Variants in ZRANB3 observed in about 807,000 individuals in gnomAD.
ZRANB3 encodes the protein DNA annealing helicase and endonuclease ZRANB3.
In ZRANB3, 125 loss-of-function variants were observed where a neutral mutation model predicts 133.8. The observed-to-expected ratio is 0.93, with a 90% CI of 0.81 to 1.08. The LOEUF is 1.08. Among genes scored for constraint, ZRANB3 ranks in the 50% least tolerant of loss-of-function variants. The probability of loss-of-function intolerance (pLI) is 0.00; values close to 1 mark genes in which losing one functional copy is unlikely to be tolerated. For synonymous variants in ZRANB3, 387 were observed against 432.7 expected (o/e 0.89, Z 1.31); for missense variants, 1,229 against 1,275.5 (o/e 0.96, Z 0.56).
chr2:135,338,300 T>C (rs1684460725), intron 6 of ZRANB3, among the ~76,000 whole-genome samples: 1 of 152,214 alleles, frequency 6.6e-6, no homozygotes, highest in African/African-American at 2.4e-5. Flanking sequence ...TCAAAGAGCT[T>C]CTAGCTAGTA....
chr2:135,367,921 C>G (rs1686008905), intron 3 of ZRANB3, among the ~76,000 whole-genome samples: 1 of 151,966 alleles, frequency 6.6e-6, no homozygotes, highest in Admixed American at 6.6e-5. Flanking sequence ...GTTATAATAA[C>G]CAATAATAAC....
chr2:135,504,571 A>G, intron 1 of ZRANB3, 75 bp from the exon 2 acceptor site: 1 of 1,269,552 alleles, frequency 7.9e-7, no homozygotes, highest in Non-Finnish European at 1.1e-6. Context: ...AGAATCACAT[A>G]TAAATAATAT....
At chr2:135,451,022 C>T (rs145759850) in intron 2 of ZRANB3, among the ~76,000 whole-genome samples, 8 of 152,314 alleles carry the variant, frequency 5.3e-5, no homozygotes, top group Non-Finnish European at 1.2e-4. Flanking sequence ...GGAATTGTTT[C>T]TGCTCATAAT....
At chr2:135,322,274 T>C (rs1456879627) in intron 6 of ZRANB3, among the ~76,000 whole-genome samples, 1 of 152,206 alleles carries the variant, frequency 6.6e-6, no homozygotes, top group African/African-American at 2.4e-5. Context: ...GTGAATCTTA[T>C]TCTTTTCTTC....
chr2:135,374,005 T>C lies in ZRANB3; in HGVS notation c.180+16797A>G, dbSNP rs545754999. Among the ~76,000 whole-genome samples the C allele has an allele frequency of 2.2e-4, 33 of 152,298 alleles. No homozygotes were observed. The South Asian group carries it at 5.8e-3, about 27-fold the overall frequency. ...AATTGAAGCTGAGAGATCAATTAAC[T>C]GGTCCAGTGTGATGTAAACAGTAAT... On this transcript the variant is annotated intron_variant, in intron 3 of 20. Coordinates refer to ENST00000264159, the MANE Select transcript of ZRANB3 (RefSeq NM_032143.4).
chr2:135,203,382 G>A (rs766998439), intron 19 of ZRANB3, among the ~76,000 whole-genome samples: 27 of 152,012 alleles, frequency 1.8e-4, no homozygotes, highest in Non-Finnish European at 3.5e-4. Context: ...CACTTTGGGA[G>A]GCCAGGGCAG....
Position 135,462,858 on chromosome 2 carries a change from G to T in ZRANB3, c.161+41471C>A, listed in dbSNP as rs529527484. ...TCCACCTGCCTCAGCTTCCCAAAGGGCTGGGATTACAGGCATGAGCCACCA... is the reference window on the plus strand; with the variant it reads ...TCCACCTGCCTCAGCTTCCCAAAGGTCTGGGATTACAGGCATGAGCCACCA... On this transcript the variant is annotated intron_variant, in intron 2 of 20. Coordinates refer to ENST00000264159, the MANE Select transcript of ZRANB3 (RefSeq NM_032143.4). 5.4e-3 allele frequency among the ~76,000 whole-genome samples: 826 copies of T among 152,196 alleles called. 4 individuals are homozygous for T. The highest frequency in any genetic ancestry group is 0.031 in the Middle Eastern group (9 of 294).
chr2:135,447,502 T>G (rs530218124), intron 2 of ZRANB3, among the ~76,000 whole-genome samples: 1 of 152,356 alleles, frequency 6.6e-6, no homozygotes, highest in South Asian at 2.1e-4. Flanking sequence ...TGAAGTATCT[T>G]ATGTTCCCTG....
chr2:135,362,040 T>C (rs565516793), intron 3 of ZRANB3, among the ~76,000 whole-genome samples: 3 of 151,940 alleles, frequency 2.0e-5, no homozygotes, highest in African/African-American at 7.2e-5. Context: ...CTACTTAAAA[T>C]ACAAACAATT....
Position 135,455,589 on chromosome 2 carries a change from CT to C in ZRANB3, c.161+48739del, listed in dbSNP as rs929421233. 9.2e-3 allele frequency among the ~76,000 whole-genome samples: 1,168 copies of C among 126,484 alleles called. 1 individual carries two copies. Among genetic ancestry groups the C allele is most frequent in the African/African-American group, 0.028 (963 of 33,916 alleles). 83.0% of individuals were successfully genotyped at this position (126,484 alleles called of 152,430 possible). A position where few individuals can be genotyped will look rare whatever the true frequency, so the allele number is the denominator to read the frequency against. On this transcript the variant is annotated intron_variant, in intron 2 of 20. Coordinates refer to ENST00000264159, the MANE Select transcript of ZRANB3 (RefSeq NM_032143.4). The stretch of plus-strand genomic sequence containing the variant: ...ACTGAGGCCAACTATTGATTTTTTT[CT>C]TTTTTTTTTTTTTTTTTTTGAGACG...
intron 3 of ZRANB3, among the ~76,000 whole-genome samples, chr2:135,358,950 T>G (rs1164118164): frequency 1.3e-5 from 2 of 151,744 alleles, no homozygotes; most frequent in African/African-American, 4.8e-5. Context: ...ATAAGCCCAA[T>G]AAGAGACTAT....
rs1024706219 is a variant in ZRANB3, at chr2:135,402,875, C to T, written c.162-12055G>A. On this transcript the variant is annotated intron_variant, in intron 2 of 20. Coordinates refer to ENST00000264159, the MANE Select transcript of ZRANB3 (RefSeq NM_032143.4). ...TGCGAGGATTACAGGCATGAACCACCGCACCTGGCCAGTCCATTCTTTTTC... is the reference window on the plus strand; with the variant it reads ...TGCGAGGATTACAGGCATGAACCACTGCACCTGGCCAGTCCATTCTTTTTC... Among the ~76,000 whole-genome samples the T allele has an allele frequency of 1.7e-4, 26 of 152,282 alleles. 1 individual carries two copies. The highest frequency in any genetic ancestry group is 2.2e-4 in the African/African-American group (9 of 41,546).
intron 3 of ZRANB3, among the ~76,000 whole-genome samples, chr2:135,382,491 A>C (rs945539110): frequency 1.3e-5 from 2 of 152,166 alleles, no homozygotes; most frequent in African/African-American, 4.8e-5. Context: ...AAATACAGAG[A>C]ATGCCACAAA....
At chr2:135,467,392 C>T (rs1050217800) in intron 2 of ZRANB3, among the ~76,000 whole-genome samples, 5 of 152,166 alleles carry the variant, frequency 3.3e-5, no homozygotes, top group Non-Finnish European at 7.4e-5. Context: ...GGACAATGTG[C>T]ACAAGCAAAG....
intron 2 of ZRANB3, among the ~76,000 whole-genome samples, chr2:135,487,640 T>C (rs1692183519): frequency 6.6e-6 from 1 of 152,210 alleles, no homozygotes; most frequent in Admixed American, 6.5e-5. Flanking sequence ...CGATGGCGTT[T>C]TTCCTTAATC....
chr2:135,356,184 TTAGA>T (rs982357339), intron 3 of ZRANB3, among the ~76,000 whole-genome samples: 3 of 151,766 alleles, frequency 2.0e-5, no homozygotes, highest in Non-Finnish European at 2.9e-5. Context: ...AAAATTTCAG[TTAGA>T]TAGAAGGAAT....
chr2:135,286,666 C>T (rs190466631), intron 8 of ZRANB3, among the ~76,000 whole-genome samples: 66 of 152,234 alleles, frequency 4.3e-4, no homozygotes, highest in Admixed American at 7.2e-4. Context: ...CCTGATAATA[C>T]GTGATGATGA....
At chr2:135,333,178 C>A (rs1017377990) in intron 6 of ZRANB3, among the ~76,000 whole-genome samples, 2 of 152,222 alleles carry the variant, frequency 1.3e-5, no homozygotes, top group South Asian at 2.1e-4. Flanking sequence ...TTTCATGAAA[C>A]CTTTAACCCT....
intron 6 of ZRANB3, among the ~76,000 whole-genome samples, chr2:135,317,843 C>T (rs147781791): frequency 0.011 from 1,710 of 152,076 alleles, 26 homozygotes; most frequent in South Asian, 0.021. Flanking sequence ...TTCTTGTTAC[C>T]CACTCTCCCC....
Sources: gnomAD v4.1 joint callset for allele counts (sites outside exome capture counted in the v4.1 genomes callset) on GRCh38, gnomAD v4.1.1 for gene constraint, MANE v1.5 for transcripts, NCBI Gene and HGNC (gene_info 2026-07-23, HGNC 2026-07-21) for gene names.